Variants in CLTRN observed in about 807,000 individuals in gnomAD.
CLTRN encodes collectrin.
A neutral mutation model predicts 14.5 loss-of-function variants in CLTRN; 12 were observed. That is an observed-to-expected ratio of 0.83 (90% CI 0.53 to 1.34). CLTRN has a LOEUF of 1.34. CLTRN is among the 40% of genes most tolerant of loss of function. CLTRN has a pLI of 0.00. For missense variants in CLTRN, 154 were observed against 165.1 expected, an observed-to-expected ratio of 0.93 and a Z score of 0.37; for synonymous variants, 58 against 56.5, an observed-to-expected ratio of 1.03 and a Z score of -0.12.
At chrX:15,631,523 C>T (rs746455403) in intron 5 of CLTRN, among the ~76,000 whole-genome samples, 1 of 112,067 alleles carries the variant, frequency 8.9e-6, no homozygotes, top group South Asian at 3.7e-4. Flanking sequence ...CTCGCTTCCC[C>T]CTTCCCAGCA....
intron 1 of CLTRN, among the ~76,000 whole-genome samples, chrX:15,670,263 C>T (rs1434260538): frequency 3.0e-5 from 3 of 98,697 alleles, no homozygotes; most frequent in Non-Finnish European, 6.1e-5. Context: ...TGTGACAGAG[C>T]GAGACTCTGT....
chrX:15,665,478 C>A (rs1205040711), upstream of CLTRN, among the ~76,000 whole-genome samples: 1 of 112,434 alleles, frequency 8.9e-6, no homozygotes, highest in East Asian at 2.8e-4. Flanking sequence ...CACATTCACA[C>A]ATAGGGAATG....
chrX:15,643,199 G>A (rs1928983270), intron 4 of CLTRN, among the ~76,000 whole-genome samples: 1 of 112,155 alleles, frequency 8.9e-6, no homozygotes, highest in African/African-American at 3.2e-5. Context: ...AATATTAGGT[G>A]GAACTAGTAT....
At chrX:15,637,800 T>C (rs1339625332) in intron 5 of CLTRN, among the ~76,000 whole-genome samples, 2 of 112,257 alleles carry the variant, frequency 1.8e-5, no homozygotes, top group Non-Finnish European at 3.8e-5. Flanking sequence ...AGTTAATTAT[T>C]TCCAGTACAC....
intron 3 of CLTRN, among the ~76,000 whole-genome samples, chrX:15,656,379 T>C (rs1402755232): frequency 8.9e-6 from 1 of 112,195 alleles, no homozygotes; most frequent in Non-Finnish European, 1.9e-5. Flanking sequence ...CATTATTCTG[T>C]TAATTACTTG....
At chrX:15,675,402 A>G (rs1263379990), upstream of CLTRN, 1 of 110,950 alleles carries the variant, frequency 9.0e-6, no homozygotes, top group Non-Finnish European at 1.9e-5. Flanking sequence ...CGTAGTTGGA[A>G]CGCAGAGACG....
intron 3 of CLTRN, among the ~76,000 whole-genome samples, chrX:15,658,125 TA>T (rs754038537): frequency 3.5e-3 from 395 of 111,992 alleles, no homozygotes; most frequent in African/African-American, 0.01. Flanking sequence ...CTCCCTAATT[TA>T]AAAAAAATCC....
At chrX:15,666,631 A>T (rs1929627468), upstream of CLTRN, among the ~76,000 whole-genome samples, 1 of 112,005 alleles carries the variant, frequency 8.9e-6, no homozygotes, top group African/African-American at 3.3e-5. Flanking sequence ...TCCAACTGAG[A>T]AAGCTTTTTC....
chrX:15,632,727 CA>C (rs1487510822), intron 5 of CLTRN, among the ~76,000 whole-genome samples: 1 of 98,908 alleles, frequency 1.0e-5, no homozygotes, highest in Non-Finnish European at 2.1e-5. Context: ...ATTAAAAATA[CA>C]AAAAAATTAG....
intron 3 of CLTRN, among the ~76,000 whole-genome samples, chrX:15,651,857 T>C (rs998456305): frequency 2.7e-5 from 3 of 111,685 alleles, no homozygotes; most frequent in African/African-American, 9.8e-5. Flanking sequence ...AGGGCTGTAA[T>C]AACAGAAAAG....
At chrX:15,635,418 T>C (rs373699846) in intron 5 of CLTRN, among the ~76,000 whole-genome samples, 1 of 112,187 alleles carries the variant, frequency 8.9e-6, no homozygotes, top group Non-Finnish European at 1.9e-5. Context: ...AGCATGGTAG[T>C]GGCATCAAAA....
intron 5 of CLTRN, among the ~76,000 whole-genome samples, chrX:15,632,166 A>G (rs1928709168): frequency 8.9e-6 from 1 of 111,829 alleles, no homozygotes; most frequent in South Asian, 3.7e-4. Flanking sequence ...AGGGGAGGAA[A>G]GAAGTATCAG....
upstream of CLTRN, among the ~76,000 whole-genome samples, chrX:15,666,096 G>A (rs947423387): frequency 4.5e-5 from 5 of 111,759 alleles, no homozygotes; most frequent in Middle Eastern, 4.2e-3. Context: ...ATAGTGGGTG[G>A]GAGGAGGGAG....
At chrX:15,666,989 G>C (rs1929632938), upstream of CLTRN, among the ~76,000 whole-genome samples, 1 of 112,131 alleles carries the variant, frequency 8.9e-6, no homozygotes, top group African/African-American at 3.2e-5. Context: ...TGTAATCCCA[G>C]CACTTTCGGA....
chrX:15,665,156 T>C, upstream of CLTRN: 1 of 133,298 alleles, frequency 7.5e-6, no homozygotes, highest in Non-Finnish European at 1.5e-5. Context: ...CTTCCCACCT[T>C]TTCGAGGCTG....
chrX:15,665,113 T>C (rs1447952454), upstream of CLTRN: 3 of 197,324 alleles, frequency 1.5e-5, no homozygotes, highest in Non-Finnish European at 2.8e-5. Context: ...ATGGGAAGAA[T>C]TGAGTCCTGT....
intron 5 of CLTRN, among the ~76,000 whole-genome samples, chrX:15,638,338 T>TGC (rs1928864161): frequency 8.9e-6 from 1 of 112,277 alleles, no homozygotes; most frequent in African/African-American, 3.2e-5. Context: ...TAAACCATAT[T>TGC]TATTTCATAG....
chrX:15,649,349 T>C (rs1404984927), intron 3 of CLTRN, among the ~76,000 whole-genome samples: 1 of 112,213 alleles, frequency 8.9e-6, no homozygotes, highest in Non-Finnish European at 1.9e-5. Context: ...GCAAATAAAA[T>C]GAAAATATTT....
At chrX:15,632,597 A>T (rs1928721674) in intron 5 of CLTRN, among the ~76,000 whole-genome samples, 1 of 108,656 alleles carries the variant, frequency 9.2e-6, no homozygotes, top group African/African-American at 3.4e-5. Context: ...AAATAAATAA[A>T]TAGAGCTAAA....
Sources: allele counts gnomAD v4.1 joint callset (sites outside exome capture counted in the v4.1 genomes callset), GRCh38; gene constraint gnomAD v4.1.1; transcripts MANE v1.5; gene names NCBI Gene and HGNC (gene_info 2026-07-23, HGNC 2026-07-21).